The following NIT1 variants were observed in gnomAD, a reference collection of about 807,000 sequenced individuals.
NIT1 encodes the protein nitrilase 1.
Under a neutral mutation model 36.8 loss-of-function variants are expected in NIT1, and 30 were observed. The ratio of observed to expected loss-of-function variants is 0.82; its 90% CI spans 0.61 to 1.11. The LOEUF (loss-of-function observed/expected upper bound fraction) is 1.11. Among genes scored for constraint, NIT1 ranks in the 50% least tolerant of loss-of-function variants. NIT1 has a pLI of 0.00. For synonymous variants in NIT1, 151 were observed against 155.6 expected, an observed-to-expected ratio of 0.97 and a Z score of 0.22; for missense variants, 438 against 410.6, an observed-to-expected ratio of 1.07 and a Z score of -0.58.
downstream of NIT1, chr1:161,122,041 AG>A: frequency 7.6e-7 from 1 of 1,313,602 alleles, no homozygotes; most frequent in Non-Finnish European, 1.0e-6. This position sits in a 1 kb window ranked among gnomAD's most constrained non-coding sequence, Gnocchi z 4.2. Context: ...AAAAAAAAAA[AG>A]GCAGGGGTGT....
downstream of NIT1, chr1:161,124,361 G>A: frequency 6.2e-7 from 1 of 1,614,186 alleles, no homozygotes; most frequent in Non-Finnish European, 8.5e-7. Flanking sequence ...TCAGATGAGT[G>A]CCCACGATGT....
At chr1:161,119,727 T>A in intron 4 of NIT1, 92 bp from the exon 5 acceptor site, 1 of 1,583,854 alleles carries the variant, frequency 6.3e-7, no homozygotes, top group East Asian at 2.2e-5. Context: ...TGGTCCTACT[T>A]CAGTTCCTAG....
At chr1:161,118,612 C>T in intron 1 of NIT1, 174 bp from the exon 2 acceptor site, 4 of 1,532,562 alleles carry the variant, frequency 2.6e-6, no homozygotes, top group Non-Finnish European at 3.5e-6. Flanking sequence ...TCCATCTTCC[C>T]ACTGTATGGT....
chr1:161,120,925 A>G lies in NIT1; in HGVS notation c.*160A>G, dbSNP rs1655424394. On this transcript the variant is annotated 3_prime_UTR_variant, in exon 7 of 7. Coordinates refer to ENST00000368009, the MANE Select transcript of NIT1 (RefSeq NM_005600.3). ...CACAGATGGGCTGCTTGGGAAAGAA[A>G]CTTTCACCTGAGCTTCACCTGAGGT... is the stretch of plus-strand genomic sequence containing the variant. The G allele has an allele frequency of 4.9e-6, 7 of 1,427,916 alleles. No homozygotes were observed. The highest frequency in any genetic ancestry group is 1.5e-5 in the South Asian group (1 of 66,308). The allele number at this position is 1,427,916 out of a possible 1,614,324, so 88.5% of individuals were successfully genotyped here. A position where few individuals can be genotyped will look rare whatever the true frequency, so the allele number is the denominator to read the frequency against.
downstream of NIT1, chr1:161,123,181 A>G: frequency 6.2e-7 from 1 of 1,614,172 alleles, no homozygotes; most frequent in East Asian, 2.2e-5. Context: ...ACATCTGAGG[A>G]CCCGAAGTGG....
At position 161,119,069 on chromosome 1, in the gene NIT1, C is replaced by T. The variant is rs538484500; in HGVS notation, c.99-65C>T. ...AGCTTTCCTGCCTCTCCACTTGCAC[C>T]CCTTAGCATTAAATTTGCTTCCCTG... On this transcript the variant is annotated intron_variant, in intron 2 of 6. Coordinates refer to ENST00000368009, the MANE Select transcript of NIT1 (RefSeq NM_005600.3). 42 of 1,584,118 alleles carry T rather than the reference C, an allele frequency of 2.7e-5. No individual in the cohort carries two copies. In the African/African-American group the frequency reaches 2.7e-4, roughly 10 times the overall value.
chr1:161,118,203 G>A (rs779787457), intron 1 of NIT1, 25 bp downstream of exon 1: 4 of 1,614,034 alleles, frequency 2.5e-6, no homozygotes, highest in Non-Finnish European at 3.4e-6. Flanking sequence ...CTATCCCGTC[G>A]GCCGCGGTGA....
At chr1:161,122,017 TTTTC>T (rs1327838638), downstream of NIT1, 3 of 1,272,558 alleles carry the variant, frequency 2.4e-6, no homozygotes, top group East Asian at 7.1e-5. This position sits in a 1 kb window ranked among gnomAD's most constrained non-coding sequence, Gnocchi z 4.2. Context: ...TCTTTTGTCT[TTTTC>T]TTTAAAAAAA....
At chr1:161,122,902 G>A (rs1557977253), downstream of NIT1, 4 of 1,222,182 alleles carry the variant, frequency 3.3e-6, no homozygotes, top group East Asian at 2.4e-5. The surrounding 1 kb of genome is among the most constrained non-coding windows in gnomAD (Gnocchi z 4.2). Flanking sequence ...AATGTACCCT[G>A]CCACAATCAT....
downstream of NIT1, chr1:161,122,509 C>T: frequency 1.2e-6 from 2 of 1,613,510 alleles, no homozygotes; most frequent in Non-Finnish European, 1.7e-6. The surrounding 1 kb of genome is among the most constrained non-coding windows in gnomAD (Gnocchi z 4.2). Context: ...TCAGCCCGAA[C>T]CCGCAGTCTG....
chr1:161,119,664 A>AC (rs751062811), intron 4 of NIT1, 52 bp downstream of exon 4: 1 of 1,591,914 alleles, frequency 6.3e-7, no homozygotes, highest in Non-Finnish European at 8.6e-7. Context: ...TTCTACCTAG[A>AC]TTCTCCAGAA....
chr1:161,122,421 C>T (rs369105667), downstream of NIT1: 26 of 1,614,092 alleles, frequency 1.6e-5, no homozygotes, highest in Non-Finnish European at 2.2e-5. This position sits in a 1 kb window ranked among gnomAD's most constrained non-coding sequence, Gnocchi z 4.2. Flanking sequence ...CTGGTTAAAG[C>T]GCTCAAACTG....
At chr1:161,118,363 G>C in intron 1 of NIT1, 185 bp downstream of exon 1, 1 of 1,521,284 alleles carries the variant, frequency 6.6e-7, no homozygotes, top group Non-Finnish European at 8.8e-7. Flanking sequence ...CCACCAGGGA[G>C]GGGTGGGAGA....
At chr1:161,119,022 G>A (rs1571198789) in intron 2 of NIT1, 112 bp from the exon 3 acceptor site, 3 of 1,438,822 alleles carry the variant, frequency 2.1e-6, no homozygotes, top group East Asian at 4.6e-5. Flanking sequence ...TGCCCTGTAA[G>A]AGCATGATCA....
downstream of NIT1, chr1:161,124,237 G>A (rs755999298): frequency 6.2e-7 from 1 of 1,614,206 alleles, no homozygotes; most frequent in Admixed American, 1.7e-5. Context: ...TCATCACAGC[G>A]GCCCTGGCGC....
Position 161,119,177 on chromosome 1 carries a change from C to T in NIT1, c.142C>T (p.Leu48=). The change falls in exon 3 of 7, where the codon CTG becomes TTG. Residue 48 remains leucine (L), a synonymous_variant. Coordinates refer to ENST00000368009, the MANE Select transcript of NIT1 (RefSeq NM_005600.3). Reference sequence around the variant, plus strand: ...CTCCTCTTCCTCCTGCGAACTGCCCCTGGTGGCTGTGTGCCAGGTAACATC... The same window carrying T: ...CTCCTCTTCCTCCTGCGAACTGCCCTTGGTGGCTGTGTGCCAGGTAACATC... The part of the protein sequence containing the change: ...AISSSSCELP[L]VAVCQVTSTP... 2.5e-6 allele frequency: 4 copies of T among 1,614,140 alleles called. No homozygotes were observed. Among genetic ancestry groups the T allele is most frequent in the Non-Finnish European group, 3.4e-6 (4 of 1,180,028 alleles).
At chr1:161,118,238 G>T in intron 1 of NIT1, 60 bp downstream of exon 1, 1 of 1,613,790 alleles carries the variant, frequency 6.2e-7, no homozygotes, top group South Asian at 1.1e-5. Context: ...GCTTTAACTT[G>T]TGTAACAGAG....
chr1:161,119,651 C>T (rs2101721031), intron 4 of NIT1, 39 bp downstream of exon 4: 1 of 1,469,730 alleles, frequency 6.8e-7, no homozygotes, highest in African/African-American at 1.4e-5. Context: ...TCTTCCCATG[C>T]TCTTCTACCT....
chr1:161,119,686 CTCTTATTTCCTTGACCCAAGGAT>C, intron 4 of NIT1, 74 bp downstream of exon 4: 4 of 1,582,638 alleles, frequency 2.5e-6, no homozygotes, highest in Non-Finnish European at 3.5e-6. Context: ...TGTTTCTCAA[CTCTTATTTCCTTGACCCAAGGAT>C]TTAGGGGTGG....
Sources: allele counts gnomAD v4.1 joint callset, GRCh38; gene constraint gnomAD v4.1.1; non-coding constraint Gnocchi (gnomAD v3.1); transcripts MANE v1.5; gene names NCBI Gene and HGNC (gene_info 2026-07-23, HGNC 2026-07-21).